The following MSRA variants were observed in gnomAD, a reference collection of about 807,000 sequenced individuals.
MSRA encodes the protein mitochondrial peptide methionine sulfoxide reductase.
In MSRA, 54 loss-of-function variants were observed where a neutral mutation model predicts 31.3. The observed-to-expected ratio is 1.73, with a 90% CI of 1.39 to 2.17. The LOEUF is 2.17. MSRA is among the 30% of genes most tolerant of loss of function. The probability of loss-of-function intolerance (pLI) is 0.00; values close to 1 mark genes in which losing one functional copy is unlikely to be tolerated. For synonymous variants in MSRA, 169 were observed against 116.5 expected, an observed-to-expected ratio of 1.45 and a Z score of -2.90; for missense variants, 507 against 300.9, an observed-to-expected ratio of 1.69 and a Z score of -5.07.
At chr8:10,245,402 C>G (rs1797571868) in intron 3 of MSRA, among the ~76,000 whole-genome samples, 179 bp downstream of exon 3, 1 of 152,204 alleles carries the variant, frequency 6.6e-6, no homozygotes, top group Non-Finnish European at 1.5e-5. Context: ...AGATGATAAT[C>G]TTCCTGTGGA....
chr8:10,337,107 C>T (rs1443448120), intron 5 of MSRA: 1 of 152,180 alleles, frequency 6.6e-6, no homozygotes, highest in African/African-American at 2.4e-5. Flanking sequence ...ACTCACAAAC[C>T]CCTCCTGAGA....
intron 3 of MSRA, among the ~76,000 whole-genome samples, chr8:10,256,659 G>A (rs1418003196): frequency 6.6e-6 from 1 of 152,198 alleles, no homozygotes; most frequent in African/African-American, 2.4e-5. Context: ...CTAGGTGGGT[G>A]GCTGGTGAAA....
intron 1 of MSRA, among the ~76,000 whole-genome samples, chr8:10,099,917 C>A (rs1406134881): frequency 1.3e-5 from 2 of 152,146 alleles, no homozygotes; most frequent in African/African-American, 4.8e-5. Context: ...GTGGTGTGGC[C>A]TGAGCATGCA....
chr8:10,330,035 TG>T (rs1474051708), intron 5 of MSRA, among the ~76,000 whole-genome samples: 5 of 151,094 alleles, frequency 3.3e-5, no homozygotes, highest in South Asian at 4.2e-4. Flanking sequence ...TGTGTGTGTG[TG>T]TGTGTGTGAT....
chr8:10,254,275 T>C (rs372584280), intron 3 of MSRA, among the ~76,000 whole-genome samples: 21 of 152,340 alleles, frequency 1.4e-4, no homozygotes, highest in African/African-American at 5.1e-4. Context: ...TTTTGAACTC[T>C]TTTATTTATA....
intron 1 of MSRA, among the ~76,000 whole-genome samples, chr8:10,202,151 C>T (rs375896932): frequency 7.9e-5 from 12 of 152,328 alleles, no homozygotes; most frequent in African/African-American, 2.4e-4. Flanking sequence ...GGGTTAGGTT[C>T]CCAGGTTAGC....
At chr8:10,108,851 C>G (rs1227407871) in intron 1 of MSRA, among the ~76,000 whole-genome samples, 1 of 151,954 alleles carries the variant, frequency 6.6e-6, no homozygotes, top group Non-Finnish European at 1.5e-5. Flanking sequence ...TTTACCTCAA[C>G]ATAAAAGCAG....
chr8:10,413,574 C>T (rs1808282951), intron 5 of MSRA, among the ~76,000 whole-genome samples: 1 of 146,824 alleles, frequency 6.8e-6, no homozygotes, highest in Middle Eastern at 3.3e-3. Context: ...AAAGGTGCAC[C>T]AAGAACTAAA....
At chr8:10,270,908 C>A (rs565230287) in intron 3 of MSRA, among the ~76,000 whole-genome samples, 3 of 152,172 alleles carry the variant, frequency 2.0e-5, no homozygotes, top group Admixed American at 2.0e-4. Flanking sequence ...GGCGCCTTCC[C>A]CACAGCTTGG....
At chr8:10,239,063 G>A (rs1346382642) in intron 2 of MSRA, among the ~76,000 whole-genome samples, 1 of 151,958 alleles carries the variant, frequency 6.6e-6, no homozygotes, top group Non-Finnish European at 1.5e-5. Context: ...GAACCCAATA[G>A]AAAAATGAAC....
chr8:10,140,577 C>T (rs2129030724), intron 1 of MSRA, among the ~76,000 whole-genome samples: 1 of 152,272 alleles, frequency 6.6e-6, no homozygotes, highest in East Asian at 1.9e-4. Flanking sequence ...AATGAACAAA[C>T]ATACAACCCC....
chr8:10,116,597 A>C (rs140778658), intron 1 of MSRA, among the ~76,000 whole-genome samples: 2 of 152,328 alleles, frequency 1.3e-5, no homozygotes, highest in African/African-American at 4.8e-5. Flanking sequence ...GATAACATAC[A>C]TGCCATCGAT....
chr8:10,299,192 A>G lies in MSRA; in HGVS notation c.332-2342A>G, dbSNP rs549722914. Among the ~76,000 whole-genome samples the G allele has an allele frequency of 4.4e-3, 666 of 152,246 alleles. 4 individuals are homozygous for G. The highest frequency in any genetic ancestry group is 6.7e-3 in the Non-Finnish European group (456 of 67,996). ...TCAATTTACATGTATTTCTTCACAT[A>G]GGAAGAAATACATGTAAATTGAGAA... On this transcript the variant is annotated intron_variant, in intron 3 of 5. Coordinates refer to ENST00000317173, the MANE Select transcript of MSRA (RefSeq NM_012331.5).
At chr8:10,120,161 G>T (rs375858205) in intron 1 of MSRA, among the ~76,000 whole-genome samples, 1 of 152,074 alleles carries the variant, frequency 6.6e-6, no homozygotes, top group Admixed American at 6.6e-5. Flanking sequence ...GATACAGGTC[G>T]TGCAACAGGA....
intron 2 of MSRA, among the ~76,000 whole-genome samples, chr8:10,227,297 G>A (rs1033261584): frequency 3.3e-5 from 5 of 152,168 alleles, no homozygotes; most frequent in Non-Finnish European, 5.9e-5. Flanking sequence ...CCTCAAGGGA[G>A]AGAATTAGAG....
chr8:10,227,259 G>C (rs1404843752), intron 2 of MSRA, among the ~76,000 whole-genome samples: 2 of 152,186 alleles, frequency 1.3e-5, no homozygotes, highest in Non-Finnish European at 2.9e-5. Flanking sequence ...TTGTCATAAG[G>C]AAGAGGGGCT....
In MSRA at chr8:10,275,888, C is replaced by G. The variant is rs546894564; in HGVS notation, c.332-25646C>G. 3.0e-4 allele frequency among the ~76,000 whole-genome samples: 45 copies of G among 152,310 alleles called. No individual in the cohort carries two copies. The South Asian group carries it at 6.6e-3, about 22-fold the overall frequency. ...GCCTCTTGACCCACAATCTGGAACT[C>G]GTTTGTTTTTAACCTACTTTTTTAG... is the stretch of plus-strand genomic sequence containing the variant. On this transcript the variant is annotated intron_variant, in intron 3 of 5. Transcript: ENST00000317173.
intron 5 of MSRA, among the ~76,000 whole-genome samples, chr8:10,416,470 G>A (rs1808466729): frequency 6.6e-6 from 1 of 152,182 alleles, no homozygotes; most frequent in Non-Finnish European, 1.5e-5. Flanking sequence ...CCTTATGTGA[G>A]GGCCCAGGGT....
intron 5 of MSRA, among the ~76,000 whole-genome samples, chr8:10,425,999 C>T (rs940956875): frequency 1.3e-5 from 2 of 152,212 alleles, no homozygotes; most frequent in African/African-American, 2.4e-5. Flanking sequence ...CCACAGACGT[C>T]GTCCTTATTG....
Sources: gnomAD v4.1 joint callset for allele counts (sites outside exome capture counted in the v4.1 genomes callset) on GRCh38, gnomAD v4.1.1 for gene constraint, MANE v1.5 for transcripts, NCBI Gene and HGNC (gene_info 2026-07-23, HGNC 2026-07-21) for gene names.